Variants in TMEM182 observed in about 807,000 individuals in gnomAD.
The protein encoded by TMEM182 is transmembrane protein 182.
A neutral mutation model predicts 26.8 loss-of-function variants in TMEM182; 20 were observed. The observed-to-expected ratio is 0.75, with a 90% CI of 0.53 to 1.09. The LOEUF (loss-of-function observed/expected upper bound fraction) is 1.09. Ranked by LOEUF, TMEM182 falls within the 50% of genes least tolerant of loss-of-function variation. TMEM182 has a pLI of 0.00. For missense variants in TMEM182, 277 were observed against 275.5 expected, an observed-to-expected ratio of 1.01 and a Z score of -0.04; for synonymous variants, 109 against 102.2, an observed-to-expected ratio of 1.07 and a Z score of -0.40.
chr2:102,757,115 C>T (rs773556460), upstream of TMEM182, among the ~76,000 whole-genome samples: 2 of 152,032 alleles, frequency 1.3e-5, no homozygotes, highest in Non-Finnish European at 2.9e-5. Context: ...TGGCCAAAAT[C>T]CTATTCTTAA....
At chr2:102,800,557 C>G (rs761282816) in intron 4 of TMEM182, among the ~76,000 whole-genome samples, 1 of 152,166 alleles carries the variant, frequency 6.6e-6, no homozygotes, top group African/African-American at 2.4e-5. Context: ...TACCCTTTCC[C>G]TTTTCAAAGT....
chr2:102,748,758 C>G (rs1679789676), intron 1 of TMEM182, among the ~76,000 whole-genome samples: 1 of 152,098 alleles, frequency 6.6e-6, no homozygotes, highest in South Asian at 2.1e-4. Context: ...TCTGAGTTCT[C>G]AAATTAAGCT....
chr2:102,799,232 G>A (rs898093918), intron 4 of TMEM182, among the ~76,000 whole-genome samples: 1 of 152,226 alleles, frequency 6.6e-6, no homozygotes. Context: ...AATGGAGAAG[G>A]TTACTGTCCT....
At chr2:102,797,729 C>A (rs978279529) in intron 3 of TMEM182, 134 bp from the exon 4 acceptor site, 4 of 1,079,102 alleles carry the variant, frequency 3.7e-6, no homozygotes, top group Non-Finnish European at 5.2e-6. Context: ...AGACCCATCC[C>A]TGGCATTCTA....
upstream of TMEM182, among the ~76,000 whole-genome samples, chr2:102,757,071 A>G (rs113613402): frequency 0.045 from 6,824 of 152,104 alleles, 216 homozygotes; most frequent in Non-Finnish European, 0.067. Flanking sequence ...CGGCCTCCCA[A>G]AGTGCTGGGA....
At chr2:102,811,058 C>CA (rs10629082) in intron 4 of TMEM182, among the ~76,000 whole-genome samples, 31,568 of 94,416 alleles carry the variant, frequency 0.33, 7,361 homozygotes, top group East Asian at 0.62. Context: ...TCCTCTATAG[C>CA]AAAAAAAAAA....
upstream of TMEM182, chr2:102,758,515 G>T: frequency 1.4e-6 from 1 of 716,638 alleles, no homozygotes; most frequent in Non-Finnish European, 2.6e-6. Flanking sequence ...AGTCTAATAA[G>T]GATTTGTTAA....
At chr2:102,778,419 A>G (rs1681021564) in intron 3 of TMEM182, among the ~76,000 whole-genome samples, 2 of 152,030 alleles carry the variant, frequency 1.3e-5, no homozygotes, top group South Asian at 4.1e-4. Flanking sequence ...TCTTATAGAC[A>G]ATGTATAATT....
intron 3 of TMEM182, among the ~76,000 whole-genome samples, chr2:102,842,185 G>A (rs552106554): frequency 1.3e-5 from 2 of 151,984 alleles, no homozygotes; most frequent in South Asian, 2.1e-4. Context: ...ATGACTACTC[G>A]CCATCTCTGC....
intron 4 of TMEM182, among the ~76,000 whole-genome samples, chr2:102,810,509 A>G (rs1682516974): frequency 6.6e-6 from 1 of 152,318 alleles, no homozygotes; most frequent in South Asian, 2.1e-4. Flanking sequence ...ATGCTTTCCA[A>G]ATTGAATTCA....
At chr2:102,826,857 T>C (rs1335582647) in intron 3 of TMEM182, among the ~76,000 whole-genome samples, 1 of 151,930 alleles carries the variant, frequency 6.6e-6, no homozygotes, top group East Asian at 1.9e-4. Flanking sequence ...CCAAAGAAGA[T>C]AAATCATCCC....
At chr2:102,824,911 A>G (rs1683003851) in intron 3 of TMEM182, among the ~76,000 whole-genome samples, 1 of 152,202 alleles carries the variant, frequency 6.6e-6, no homozygotes, top group African/African-American at 2.4e-5. Context: ...TTCCCTAGCC[A>G]TGCTTCCTGT....
chr2:102,778,498 A>G (rs1283690866), intron 3 of TMEM182, among the ~76,000 whole-genome samples: 1 of 152,014 alleles, frequency 6.6e-6, no homozygotes, highest in Admixed American at 6.5e-5. Context: ...GACCATTTAT[A>G]TTTAACATTA....
intron 3 of TMEM182, among the ~76,000 whole-genome samples, chr2:102,788,042 A>T (rs13423060): frequency 0.013 from 1,987 of 152,250 alleles, 45 homozygotes; most frequent in African/African-American, 0.046. Flanking sequence ...TTTATTTTTT[A>T]AAATTTATTA....
intron 3 of TMEM182, 108 bp from the exon 4 acceptor site, chr2:102,797,755 G>T (rs1424718603): frequency 4.4e-5 from 60 of 1,376,380 alleles, no homozygotes; most frequent in Non-Finnish European, 5.9e-5. Context: ...CAGTGCCATA[G>T]CTGAAATTAG....
chr2:102,762,917 C>T (rs948008266), intron 2 of TMEM182, among the ~76,000 whole-genome samples: 2 of 152,108 alleles, frequency 1.3e-5, no homozygotes, highest in African/African-American at 4.8e-5. Context: ...TATGGCAAAA[C>T]TGAATTATCC....
At chr2:102,764,302 G>A (rs1408782259) in intron 2 of TMEM182, 27 bp from the exon 3 acceptor site, 6 of 1,605,594 alleles carry the variant, frequency 3.7e-6, no homozygotes, top group South Asian at 1.1e-5. Flanking sequence ...TCAATAACAA[G>A]TGCCATTGTT....
At chr2:102,761,730 A>C (rs1016991094), upstream of TMEM182, among the ~76,000 whole-genome samples, 1 of 152,206 alleles carries the variant, frequency 6.6e-6, no homozygotes, top group Admixed American at 6.5e-5. Context: ...GAGAGTCTTA[A>C]GTGTCTTTGG....
At chr2:102,764,574 A>T in intron 3 of TMEM182, 147 bp downstream of exon 3, 1 of 579,010 alleles carries the variant, frequency 1.7e-6, no homozygotes, top group East Asian at 3.1e-5. Flanking sequence ...AAAAAATGTT[A>T]TTTTTAATGT....
Sources: gnomAD v4.1 joint callset for allele counts (sites outside exome capture counted in the v4.1 genomes callset) on GRCh38, gnomAD v4.1.1 for gene constraint, MANE v1.5 for transcripts, NCBI Gene and HGNC (gene_info 2026-07-23, HGNC 2026-07-21) for gene names.